Variants in FOCAD observed in about 807,000 individuals in gnomAD.
FOCAD encodes the protein KIAA1797.
In FOCAD, 198 loss-of-function variants were observed where a neutral mutation model predicts 225.6. The observed-to-expected ratio is 0.88, with a 90% CI of 0.78 to 0.99. FOCAD has a LOEUF of 0.99. Ranked by LOEUF, FOCAD falls within the 50% of genes least tolerant of loss-of-function variation. The probability of loss-of-function intolerance (pLI) is 0.00; values close to 1 mark genes in which losing one functional copy is unlikely to be tolerated. For synonymous variants in FOCAD, 897 were observed against 755.0 expected (o/e 1.19, Z -3.08); for missense variants, 2,713 against 2,123.6 (o/e 1.28, Z -5.46).
intron 21 of FOCAD, among the ~76,000 whole-genome samples, chr9:20,901,191 A>T (rs56062378): frequency 3.0e-5 from 4 of 132,350 alleles, no homozygotes; most frequent in Non-Finnish European, 6.4e-5. Flanking sequence ...ATGTGGAAAC[A>T]ATGTGTGTGT....
At chr9:20,764,384 G>C (rs1339672360) in intron 6 of FOCAD, among the ~76,000 whole-genome samples, 2 of 152,276 alleles carry the variant, frequency 1.3e-5, no homozygotes, top group African/African-American at 4.8e-5. Flanking sequence ...CTCCTGAGTA[G>C]CTGGGACTAC....
At position 20,988,439 on chromosome 9, in the gene FOCAD, A is replaced by G; in HGVS notation, c.5004+10A>G. ...TACGGCTCTTGACAAGGTAAAATCT[A>G]GAGGAGTAGTTTATAGCTTCCTTAA... is the stretch of plus-strand genomic sequence containing the variant. On this transcript the variant is annotated intron_variant, in intron 41 of 43. Coordinates refer to ENST00000338382, the MANE Select transcript of FOCAD (RefSeq NM_001375567.1). 6.8e-7 allele frequency: 1 copy of G among 1,471,842 alleles called. No homozygotes were observed. Among genetic ancestry groups the G allele is most frequent in the Non-Finnish European group, 9.4e-7 (1 of 1,060,800 alleles). The allele number at this position is 1,471,842 out of a possible 1,614,324, so 91.2% of individuals were successfully genotyped here.
rs767104321 is a variant in FOCAD, at chr9:20,923,735, C to A, written c.2928C>A (p.Ala976=). 6.2e-7 allele frequency: 1 copy of A among 1,613,934 alleles called. No homozygotes were observed. Among genetic ancestry groups the A allele is most frequent in the South Asian group, 1.1e-5 (1 of 91,036 alleles). The part of the protein sequence containing the change: ...SLAVVVSRHE[A]SLSSDSDGLL... ...CTGTCGTCGTATCTAGACATGAAGC[C>A]AGCCTCTCCTCAGACTCTGACGGGC... The change falls in exon 25 of 44, where the codon GCC becomes GCA. Residue 976 remains alanine, a synonymous_variant. Transcript: ENST00000338382.
chr9:20,898,358 T>G (rs1399081861), intron 21 of FOCAD, among the ~76,000 whole-genome samples: 1 of 151,802 alleles, frequency 6.6e-6, no homozygotes, highest in Non-Finnish European at 1.5e-5. Context: ...GAATTCCTAT[T>G]ATGTGTATGT....
Position 20,820,975 on chromosome 9 carries a change from C to T in FOCAD, c.1697C>T (p.Ala566Val). 6.2e-7 allele frequency: 1 copy of T among 1,612,672 alleles called. No individual in the cohort carries two copies. The highest frequency in any genetic ancestry group is 8.5e-7 in the Non-Finnish European group (1 of 1,179,120). ...RVYPELQRFM[A>V]VSDVPSLSVG... ...TATCCTGAACTGCAGCGTTTCATGG[C>T]TGTGTCTGATGTACCTTCTCTTTCG... Residue 566 changes from alanine to valine, a missense_variant, in exon 14 of 44, where the codon GCT (alanine) becomes GTT (valine). Coordinates refer to ENST00000338382, the MANE Select transcript of FOCAD (RefSeq NM_001375567.1).
In FOCAD at chr9:20,765,072, A is replaced by G. The variant is rs1472400343; in HGVS notation, c.698A>G (p.Gln233Arg). The change falls in exon 7 of 44, where the codon CAG becomes CGG. Residue 233 changes from glutamine to arginine, a missense_variant and splice_region_variant. Coordinates refer to ENST00000338382, the MANE Select transcript of FOCAD (RefSeq NM_001375567.1). ...TGTTGTGACATAGTTCCATGTTTGC[A>G]GGTAAGGTCTTTGTCCTCCTCCACA... ...QLCCDIVPCL[Q>R]VKDLIQTTEA... The G allele has an allele frequency of 1.2e-6, 2 of 1,611,698 alleles. No individual in the cohort carries two copies. Among genetic ancestry groups the G allele is most frequent in the Non-Finnish European group, 1.7e-6 (2 of 1,178,662 alleles).
rs1830112920 is a variant in FOCAD at position 20,874,948 on chromosome 9, T to C, written c.2317+141T>C. On this transcript the variant is annotated intron_variant, in intron 19 of 43. Coordinates refer to ENST00000338382, the MANE Select transcript of FOCAD (RefSeq NM_001375567.1). Reference sequence around the variant, plus strand: ...CCAGAATGTTAAATGCACCCATCTGTTCTATTGAAACAGCTTGAGGTAGTA... The same window carrying C: ...CCAGAATGTTAAATGCACCCATCTGCTCTATTGAAACAGCTTGAGGTAGTA... 5 of 1,079,976 alleles carry C rather than the reference T, an allele frequency of 4.6e-6. No homozygotes were observed. In the Admixed American group the frequency reaches 1.1e-4, roughly 24 times the overall value. 66.9% of individuals were successfully genotyped at this position (1,079,976 alleles called of 1,614,324 possible). A position where few individuals can be genotyped will look rare whatever the true frequency, so the allele number is the denominator to read the frequency against.
rs761263387 is a variant in FOCAD at position 20,885,277 on chromosome 9, C to T, written c.2625+47C>T. 5 of 1,361,176 alleles carry T rather than the reference C, an allele frequency of 3.7e-6. No homozygotes were observed. The African/African-American group carries it at 7.5e-5, about 20-fold the overall frequency. The allele number at this position is 1,361,176 out of a possible 1,614,324, so 84.3% of individuals were successfully genotyped here. A position where few individuals can be genotyped will look rare whatever the true frequency, so the allele number is the denominator to read the frequency against. On this transcript the variant is annotated intron_variant, in intron 21 of 43. Coordinates refer to ENST00000338382, the MANE Select transcript of FOCAD (RefSeq NM_001375567.1). ...TTTATGTTTTAGTGTTTTCTCCCTTCATGATATGTTTAAGAAGTTGTTTGT... is the reference window on the plus strand; with the variant it reads ...TTTATGTTTTAGTGTTTTCTCCCTTTATGATATGTTTAAGAAGTTGTTTGT...
intron 20 of FOCAD, among the ~76,000 whole-genome samples, 196 bp from the exon 21 acceptor site, chr9:20,884,911 TAG>T (rs780626028): frequency 6.8e-4 from 103 of 151,906 alleles, no homozygotes; most frequent in South Asian, 1.5e-3. Context: ...CTTAAAAAAT[TAG>T]CCGGGCATGG....
chr9:20,919,595 A>T (rs566074524), intron 24 of FOCAD, among the ~76,000 whole-genome samples: 77 of 152,290 alleles, frequency 5.1e-4, no homozygotes, highest in Admixed American at 3.2e-3. Flanking sequence ...AACAGCATGG[A>T]ACTGGTACCA....
chr9:20,835,910 G>T (rs185279914), intron 15 of FOCAD, among the ~76,000 whole-genome samples: 1 of 152,188 alleles, frequency 6.6e-6, no homozygotes, highest in East Asian at 1.9e-4. Context: ...AGGAGGAGGG[G>T]CGGCCTTTCC....
At chr9:20,812,439 G>A (rs544484891) in intron 11 of FOCAD, among the ~76,000 whole-genome samples, 1 of 151,964 alleles carries the variant, frequency 6.6e-6, no homozygotes, top group Non-Finnish European at 1.5e-5. Context: ...TTTCGTTATA[G>A]AACTGTCTGA....
Position 20,866,917 on chromosome 9 carries a change from T to TTAAAAA in FOCAD, c.2107-12_2107-11insTAAAAA. On this transcript the variant is annotated splice_polypyrimidine_tract_variant and intron_variant, in intron 17 of 43. Transcript: ENST00000338382. ...TTTTTTTTTTTTTTTTTTTTTTTTT[T>TTAAAAA]ACCCTATCTAGGACCCAATTGTAGC... 2.6e-6 allele frequency: 2 copies of TTAAAAA among 764,970 alleles called. No individual in the cohort carries two copies. The highest frequency in any genetic ancestry group is 4.0e-6 in the Non-Finnish European group (2 of 498,466). The allele number at this position is 764,970 out of a possible 1,614,324, so 47.4% of individuals were successfully genotyped here.
In FOCAD at chr9:20,797,030, G is replaced by GAA. The variant is rs1821191950; in HGVS notation, c.1455+7422_1455+7423insAA. On this transcript the variant is annotated intron_variant, in intron 11 of 43. Transcript: ENST00000338382. The stretch of plus-strand genomic sequence containing the variant: ...AAGGGATCCAGTTTCAGCTTTCTCC[G>GAA]TATGGCTAGCCAGTTTTCCCACCAT... Among the ~76,000 whole-genome samples the GAA allele has an allele frequency of 2.6e-5, 4 of 152,158 alleles. No individual in the cohort carries two copies. The East Asian group carries it at 7.7e-4, about 29-fold the overall frequency.
chr9:20,775,228 G>A (rs1818639255), intron 8 of FOCAD, among the ~76,000 whole-genome samples: 2 of 152,140 alleles, frequency 1.3e-5, no homozygotes, highest in Non-Finnish European at 2.9e-5. Context: ...TTTTTAGCCT[G>A]ATTAGAATAA....
rs147261818 is a variant in FOCAD at position 20,850,492 on chromosome 9, A to T, written c.1921-12086A>T. On this transcript the variant is annotated intron_variant, in intron 15 of 43. Coordinates refer to ENST00000338382, the MANE Select transcript of FOCAD (RefSeq NM_001375567.1). ...GCATTTTATCTAATTGTATAAACTT[A>T]GTAGAATGTTATAGCAATTTTATTT... Among the ~76,000 whole-genome samples, 1,013 of 151,930 alleles carry T rather than the reference A, an allele frequency of 6.7e-3. 5 individuals carry two copies. The highest frequency in any genetic ancestry group is 9.6e-3 in the Non-Finnish European group (649 of 67,806).
chr9:20,874,664 T>A lies in FOCAD; in HGVS notation c.2191-17T>A. 1.2e-6 allele frequency: 2 copies of A among 1,611,088 alleles called. No individual in the cohort carries two copies. The highest frequency in any genetic ancestry group is 1.7e-6 in the Non-Finnish European group (2 of 1,178,684). On this transcript the variant is annotated splice_polypyrimidine_tract_variant and intron_variant, in intron 18 of 43. Transcript: ENST00000338382. ...TTATTATTATCCTCTCTATGATCTTTTCGCTTATCATTTCAGATAAGACCA... is the reference window on the plus strand; with the variant it reads ...TTATTATTATCCTCTCTATGATCTTATCGCTTATCATTTCAGATAAGACCA...
intron 15 of FOCAD, among the ~76,000 whole-genome samples, chr9:20,834,432 T>C (rs1298177461): frequency 6.6e-6 from 1 of 151,982 alleles, no homozygotes; most frequent in Non-Finnish European, 1.5e-5. Context: ...ATCCTACACA[T>C]GTACCTTGGA....
intron 15 of FOCAD, among the ~76,000 whole-genome samples, chr9:20,856,118 T>C (rs1828154753): frequency 6.6e-6 from 1 of 151,934 alleles, no homozygotes; most frequent in East Asian, 1.9e-4. Context: ...TATTCAGCAG[T>C]GGGACTGCTG....
Sources: gnomAD v4.1 joint callset for allele counts (sites outside exome capture counted in the v4.1 genomes callset) on GRCh38, gnomAD v4.1.1 for gene constraint, MANE v1.5 for transcripts, NCBI Gene and HGNC (gene_info 2026-07-23, HGNC 2026-07-21) for gene names.